RASA4B: variants seen among roughly 807,000 people sequenced by gnomAD.
RASA4B encodes the protein ras GTPase-activating protein 4B.
In RASA4B, 2 loss-of-function variants were observed where a neutral mutation model predicts 24.2. The observed-to-expected ratio is 0.08, with a 90% CI of 0.03 to 0.26. The LOEUF is 0.26. RASA4B is among the 10% of genes least tolerant of loss of function. The pLI, the probability that RASA4B is intolerant of heterozygous loss-of-function variation, is 1.00. For missense variants in RASA4B, 8 were observed against 277.2 expected (o/e 0.03, Z 6.90); for synonymous variants, 2 against 125.6 (o/e 0.02, Z 6.58).
chr7:102,498,676 G>C (rs1799260006), intron 8 of RASA4B, among the ~76,000 whole-genome samples: 1 of 86,062 alleles, frequency 1.2e-5, no homozygotes, highest in Non-Finnish European at 2.5e-5. Flanking sequence ...CAGTAGCTTG[G>C]ATTACAGGTG....
In RASA4B at chr7:102,481,214, C is replaced by T. The variant is rs867435655; in HGVS notation, c.*2378G>A. Among the ~76,000 whole-genome samples the T allele has an allele frequency of 4.5e-4, 29 of 64,760 alleles. No homozygotes were observed. The highest frequency in any genetic ancestry group is 3.5e-3 in the East Asian group (5 of 1,436). The allele number at this position is 64,760 out of a possible 152,430, so 42.5% of individuals were successfully genotyped here. Reference sequence around the variant, plus strand: ...AAATTTCAAGTCTCCTTTATTTTCCCTTTTTTTTTTTTTTTTTTTTAATTT... The same window carrying T: ...AAATTTCAAGTCTCCTTTATTTTCCTTTTTTTTTTTTTTTTTTTTTAATTT... On this transcript the variant is annotated 3_prime_UTR_variant, in exon 21 of 21. Transcript: ENST00000465829.
At chr7:102,505,881 C>G (rs1799480216) in intron 5 of RASA4B, among the ~76,000 whole-genome samples, 1 of 118,704 alleles carries the variant, frequency 8.4e-6, no homozygotes, top group Non-Finnish European at 1.6e-5. Flanking sequence ...TCACAGGTGA[C>G]TCAGGCCCAT....
Position 102,480,028 on chromosome 7 carries a change from C to G in RASA4B, c.*3564G>C, listed in dbSNP as rs11763899. 0.52 allele frequency among the ~76,000 whole-genome samples: 74,955 copies of G among 145,522 alleles called. 19,250 individuals carry two copies. Among genetic ancestry groups the G allele is most frequent in the Middle Eastern group, 0.65 (185 of 286 alleles). On this transcript the variant is annotated 3_prime_UTR_variant, in exon 21 of 21. Transcript: ENST00000465829. ...ATTATAATAATCCTCGCTCTACAAT[C>G]ATAACCTAGGAAACACCAGGCCATA...
At chr7:102,506,442 T>C (rs1267282889) in intron 5 of RASA4B, among the ~76,000 whole-genome samples, 1 of 151,956 alleles carries the variant, frequency 6.6e-6, no homozygotes, top group African/African-American at 2.4e-5. Context: ...AGACAGGGTC[T>C]CACCATGGTG....
rs529958956 is a variant in RASA4B at position 102,480,084 on chromosome 7, G to C, written c.*3508C>G. ...ATAGGAGCTGAGGGGACAATGAGGAGTGACCAGAAGACAAGAGTGCGAGCT... is the reference window on the plus strand; with the variant it reads ...ATAGGAGCTGAGGGGACAATGAGGACTGACCAGAAGACAAGAGTGCGAGCT... On this transcript the variant is annotated 3_prime_UTR_variant, in exon 21 of 21. Coordinates refer to ENST00000465829, the MANE Select transcript of RASA4B (RefSeq NM_001367767.2). Among the ~76,000 whole-genome samples, 113 of 152,222 alleles carry C rather than the reference G, an allele frequency of 7.4e-4. No individual in the cohort carries two copies. The highest frequency in any genetic ancestry group is 3.4e-3 in the Middle Eastern group (1 of 294).
chr7:102,487,155 G>T lies in RASA4B; in HGVS notation c.2104+1308C>A. Among the ~76,000 whole-genome samples the T allele has an allele frequency of 2.7e-5, 2 of 75,100 alleles. 1 individual carries two copies. Among genetic ancestry groups the T allele is most frequent in the Non-Finnish European group, 6.6e-5 (2 of 30,498 alleles). 49.3% of individuals were successfully genotyped at this position (75,100 alleles called of 152,430 possible). A position where few individuals can be genotyped will look rare whatever the true frequency, so the allele number is the denominator to read the frequency against. ...ATTTTTTTTAAATGAGCCAGGTGTGGTGATGCATGCCGGTAGTGCCAGCCT... is the reference window on the plus strand; with the variant it reads ...ATTTTTTTTAAATGAGCCAGGTGTGTTGATGCATGCCGGTAGTGCCAGCCT... On this transcript the variant is annotated intron_variant, in intron 18 of 20. Transcript: ENST00000465829.
intron 17 of RASA4B, among the ~76,000 whole-genome samples, chr7:102,490,731 G>A (rs1437379070): frequency 1.3e-5 from 2 of 149,794 alleles, no homozygotes; most frequent in African/African-American, 5.1e-5. Context: ...ACAGCAGCCA[G>A]GCCACTCCCA....
rs1799339837 is a variant in RASA4B, at chr7:102,500,758, C to A, written c.678G>T (p.Gln226His). The A allele has an allele frequency of 7.0e-6, 1 of 143,548 alleles. No individual in the cohort carries two copies. Among genetic ancestry groups the A allele is most frequent in the Non-Finnish European group, 1.2e-5 (1 of 81,518 alleles). 8.9% of individuals were successfully genotyped at this position (143,548 alleles called of 1,614,324 possible). Residue 226 changes from glutamine to histidine, a missense_variant, in exon 8 of 21, where the codon CAG becomes CAT. By Grantham distance (24) the Gln-to-His change is conservative. Transcript: ENST00000465829. ...GCAGCCGGAACCAGCCCTCCTCCTG[C>A]TGCACCACCCGCAGTCTCTGGACAT... ...VIDVQRLRVVQQEEGWFRLQP... is the reference protein window; with the variant it reads ...VIDVQRLRVVHQEEGWFRLQP...
chr7:102,498,166 T>C (rs1799227119), intron 8 of RASA4B, among the ~76,000 whole-genome samples: 1 of 138,466 alleles, frequency 7.2e-6, no homozygotes, highest in Admixed American at 7.5e-5. Flanking sequence ...CCCAAAGTGC[T>C]GAGATTACAG....
At chr7:102,502,556 C>T (rs1247347043) in intron 6 of RASA4B, among the ~76,000 whole-genome samples, 3 of 86,380 alleles carry the variant, frequency 3.5e-5, no homozygotes, top group African/African-American at 6.1e-5. Flanking sequence ...GCCAGGAGTT[C>T]GAGACCAGCC....
chr7:102,503,047 T>C (rs375704070), intron 6 of RASA4B, 116 bp downstream of exon 6: 1,105 of 16,286 alleles, frequency 0.068, no homozygotes, highest in East Asian at 0.23. Flanking sequence ...TGTAAGACTG[T>C]GGCCCCCAAT....
chr7:102,490,757 T>A (rs1798904086), intron 17 of RASA4B, among the ~76,000 whole-genome samples: 1 of 151,216 alleles, frequency 6.6e-6, no homozygotes, highest in Admixed American at 6.6e-5. Flanking sequence ...CTCAGGCCAC[T>A]CCCATAGCAC....
At chr7:102,513,189 C>G (rs1799764570) in intron 1 of RASA4B, among the ~76,000 whole-genome samples, 1 of 113,496 alleles carries the variant, frequency 8.8e-6, no homozygotes, top group Non-Finnish European at 2.0e-5. Flanking sequence ...TCCCTGGCCC[C>G]AGGACGGGAC....
intron 8 of RASA4B, among the ~76,000 whole-genome samples, chr7:102,500,397 G>A (rs1340639709): frequency 4.0e-5 from 5 of 126,374 alleles, no homozygotes; most frequent in African/African-American, 1.1e-4. Flanking sequence ...GCGTGAACCC[G>A]GGAGGCGGAG....
chr7:102,496,999 A>C (rs772945576), intron 8 of RASA4B, 35 bp from the exon 9 acceptor site: 5 of 1,582,444 alleles, frequency 3.2e-6, no homozygotes, highest in Non-Finnish European at 4.3e-6. Context: ...TCCACCAGGG[A>C]CTCAGGCCAC....
At position 102,498,202 on chromosome 7, in the gene RASA4B, A is replaced by G. The variant is rs1246512889; in HGVS notation, c.738-1238T>C. 2.1e-5 allele frequency among the ~76,000 whole-genome samples: 3 copies of G among 143,080 alleles called. No individual in the cohort carries two copies. In the East Asian group the frequency reaches 6.5e-4, roughly 31 times the overall value. The allele number at this position is 143,080 out of a possible 152,430, so 93.9% of individuals were successfully genotyped here. ...GCATGCGCCACCATACCCGGCCTAA[A>G]TTTGAATATTTTTAGTATAGGTATG... On this transcript the variant is annotated intron_variant, in intron 8 of 20. Coordinates refer to ENST00000465829, the MANE Select transcript of RASA4B (RefSeq NM_001367767.2).
intron 5 of RASA4B, among the ~76,000 whole-genome samples, chr7:102,505,171 TGAGA>T (rs1407584331): frequency 4.4e-5 from 1 of 22,572 alleles, no homozygotes; most frequent in African/African-American, 1.6e-4. Context: ...CCCCTCACTC[TGAGA>T]GAGGCCTGGA....
intron 6 of RASA4B, among the ~76,000 whole-genome samples, chr7:102,502,805 T>A (rs1799368232): frequency 9.1e-6 from 1 of 110,402 alleles, no homozygotes; most frequent in South Asian, 3.0e-4. Flanking sequence ...CAGTAGCGAC[T>A]ATACTGAGAA....
rs1245988512 is a variant in RASA4B at position 102,480,049 on chromosome 7, C to G, written c.*3543G>C. Among the ~76,000 whole-genome samples, 13 of 152,014 alleles carry G rather than the reference C, an allele frequency of 8.6e-5. No homozygotes were observed. The highest frequency in any genetic ancestry group is 1.8e-4 in the Non-Finnish European group (12 of 68,008). ...CAATCATAACCTAGGAAACACCAGG[C>G]CATACAGAGATAGGAGCTGAGGGGA... On this transcript the variant is annotated 3_prime_UTR_variant, in exon 21 of 21. Coordinates refer to ENST00000465829, the MANE Select transcript of RASA4B (RefSeq NM_001367767.2).
Sources: gnomAD v4.1 joint callset for allele counts (sites outside exome capture counted in the v4.1 genomes callset) on GRCh38, gnomAD v4.1.1 for gene constraint, MANE v1.5 for transcripts, NCBI Gene and HGNC (gene_info 2026-07-23, HGNC 2026-07-21) for gene names.